Variants in SGCD observed in about 807,000 individuals in gnomAD.
The protein encoded by SGCD is delta-sarcoglycan.
In SGCD, 18 loss-of-function variants were observed where a neutral mutation model predicts 36.6. The ratio of observed to expected loss-of-function variants is 0.49; its 90% CI spans 0.34 to 0.73. The LOEUF is 0.73. Among genes scored for constraint, SGCD ranks in the 30% least tolerant of loss-of-function variants. The pLI is 0.01. For synonymous variants in SGCD, 133 were observed against 130.6 expected, an observed-to-expected ratio of 1.02 and a Z score of -0.12; for missense variants, 387 against 346.7, an observed-to-expected ratio of 1.12 and a Z score of -0.92.
intron 7 of SGCD, among the ~76,000 whole-genome samples, chr5:156,712,680 G>T (rs577910725): frequency 6.6e-6 from 1 of 152,242 alleles, no homozygotes; most frequent in East Asian, 1.9e-4. Context: ...TTGCTCCCCA[G>T]TTCACGCAGC....
chr5:156,240,186 A>T (rs1429627875), intron 3 of SGCD, among the ~76,000 whole-genome samples: 1 of 152,136 alleles, frequency 6.6e-6, no homozygotes, highest in Admixed American at 6.6e-5. Context: ...AAGCTCATTT[A>T]TTGTCTGTAT....
At chr5:156,039,004 C>T (rs1459044015) in intron 1 of SGCD, among the ~76,000 whole-genome samples, 4 of 152,138 alleles carry the variant, frequency 2.6e-5, no homozygotes, top group Non-Finnish European at 5.9e-5. Context: ...ACATCCTCAT[C>T]TTCCCCCTAG....
At chr5:156,632,076 A>G (rs945186759) in intron 6 of SGCD, among the ~76,000 whole-genome samples, 3 of 152,204 alleles carry the variant, frequency 2.0e-5, no homozygotes, top group Non-Finnish European at 4.4e-5. Context: ...TGCTTTTAAC[A>G]TCTTTCTCTC....
At chr5:156,229,943 C>T (rs1440304762) in intron 3 of SGCD, among the ~76,000 whole-genome samples, 1 of 152,108 alleles carries the variant, frequency 6.6e-6, no homozygotes, top group Non-Finnish European at 1.5e-5. Flanking sequence ...TCTACTTGTT[C>T]AATTCTATTG....
At chr5:155,776,059 G>C in the SGCD span, among the ~76,000 whole-genome samples, 1 of 152,150 alleles carries the variant, frequency 6.6e-6, no homozygotes. Context: ...ATGTTAACTA[G>C]CTTCTGACTA....
chr5:155,891,050 C>T (rs1029310741), intron 1 of SGCD, among the ~76,000 whole-genome samples: 2 of 152,082 alleles, frequency 1.3e-5, no homozygotes, highest in African/African-American at 2.4e-5. Flanking sequence ...CACCCAACAA[C>T]GAATATCCTA....
At chr5:155,806,248 G>C in the SGCD span, among the ~76,000 whole-genome samples, 1 of 152,150 alleles carries the variant, frequency 6.6e-6, no homozygotes. Flanking sequence ...TCCGCCTCCT[G>C]GGTTCAAGCG....
intron 3 of SGCD, among the ~76,000 whole-genome samples, chr5:156,303,593 G>A (rs1767117641): frequency 6.6e-6 from 1 of 151,560 alleles, no homozygotes; most frequent in Admixed American, 6.6e-5. Flanking sequence ...CACACCTGAA[G>A]CCAGCATAGC....
intron 3 of SGCD, among the ~76,000 whole-genome samples, chr5:156,491,909 G>T (rs1371894095): frequency 6.6e-6 from 1 of 151,958 alleles, no homozygotes; most frequent in African/African-American, 2.4e-5. Flanking sequence ...TCTCATTCTG[G>T]GAGGGATCCT....
intron 3 of SGCD, among the ~76,000 whole-genome samples, chr5:156,492,158 T>A (rs1034163512): frequency 2.6e-5 from 4 of 152,190 alleles, no homozygotes. Flanking sequence ...AAGTTACTTT[T>A]AATTCATTGT....
chr5:156,641,174 A>T (rs145537408), intron 6 of SGCD, among the ~76,000 whole-genome samples: 1 of 152,342 alleles, frequency 6.6e-6, no homozygotes, highest in Non-Finnish European at 1.5e-5. Context: ...CTCTGTTTCT[A>T]AGGCATTTCC....
chr5:156,075,186 A>C (rs1328024392), intron 1 of SGCD, among the ~76,000 whole-genome samples: 1 of 145,996 alleles, frequency 6.8e-6, no homozygotes, highest in African/African-American at 2.6e-5. Context: ...CATGTAGTCA[A>C]ATTTACAAAA....
chr5:156,493,847 C>A (rs1479573006), intron 3 of SGCD, among the ~76,000 whole-genome samples: 1 of 151,996 alleles, frequency 6.6e-6, no homozygotes, highest in Non-Finnish European at 1.5e-5. Context: ...TTTTATTCAC[C>A]TTCTGCTAGG....
At chr5:155,983,012 T>C (rs1478491241) in intron 1 of SGCD, among the ~76,000 whole-genome samples, 4 of 152,204 alleles carry the variant, frequency 2.6e-5, no homozygotes, top group Non-Finnish European at 5.9e-5. Context: ...TCTTTGTTAA[T>C]AGTGGAGAGA....
At chr5:155,926,272 A>G (rs1199463081) in intron 1 of SGCD, among the ~76,000 whole-genome samples, 1 of 152,166 alleles carries the variant, frequency 6.6e-6, no homozygotes, top group Non-Finnish European at 1.5e-5. Context: ...GCTGTTTTCA[A>G]TCTCTTAGGC....
At chr5:156,286,842 T>C (rs1350583074) in intron 3 of SGCD, among the ~76,000 whole-genome samples, 2 of 151,598 alleles carry the variant, frequency 1.3e-5, no homozygotes, top group Non-Finnish European at 2.9e-5. Flanking sequence ...AAAGAGCACA[T>C]ACAATGCTGA....
intron 6 of SGCD, among the ~76,000 whole-genome samples, chr5:156,628,602 A>G (rs568113282): frequency 6.6e-6 from 1 of 152,348 alleles, no homozygotes; most frequent in African/African-American, 2.4e-5. Flanking sequence ...CATCCTTGAC[A>G]TCTTTGACAA....
At chr5:156,714,974 C>T (rs157675) in intron 7 of SGCD, among the ~76,000 whole-genome samples, 3 of 152,048 alleles carry the variant, frequency 2.0e-5, no homozygotes, top group Non-Finnish European at 2.9e-5. Context: ...ACTGTTCTAC[C>T]GTTGACTGGA....
intron 1 of SGCD, among the ~76,000 whole-genome samples, chr5:155,956,738 T>C (rs371120480): frequency 6.6e-6 from 1 of 151,906 alleles, no homozygotes; most frequent in African/African-American, 2.4e-5. Flanking sequence ...CACCTTCACA[T>C]GGCCTTCATT....
Sources: gnomAD v4.1 joint callset for allele counts (sites outside exome capture counted in the v4.1 genomes callset) on GRCh38, gnomAD v4.1.1 for gene constraint, MANE v1.5 for transcripts, NCBI Gene and HGNC (gene_info 2026-07-23, HGNC 2026-07-21) for gene names.